The following LRP6 variants were observed in gnomAD, a reference collection of about 807,000 sequenced individuals.
The protein encoded by LRP6 is low-density lipoprotein receptor-related protein 6.
In LRP6, 43 loss-of-function variants were observed where a neutral mutation model predicts 184.1. The observed-to-expected ratio is 0.23, with a 90% CI of 0.18 to 0.30. The LOEUF is 0.30. LRP6 is among the 10% of genes least tolerant of loss of function. The pLI is 1.00. For missense variants in LRP6, 1,571 were observed against 2,005.3 expected (o/e 0.78, Z 4.14); for synonymous variants, 719 against 684.9 (o/e 1.05, Z -0.78).
At chr12:12,146,553 G>A (rs34656615) in intron 15 of LRP6, among the ~76,000 whole-genome samples, 1 of 152,084 alleles carries the variant, frequency 6.6e-6, no homozygotes, top group Non-Finnish European at 1.5e-5. Context: ...ATCTTAAGAC[G>A]AACAAATAAT....
chr12:12,233,895 G>A (rs969463862), intron 2 of LRP6, among the ~76,000 whole-genome samples: 1 of 152,088 alleles, frequency 6.6e-6, no homozygotes, highest in African/African-American at 2.4e-5. Flanking sequence ...CACATAGAGA[G>A]TAGTTGAATA....
chr12:12,266,633 A>C (rs1592001524), intron 1 of LRP6, 48 bp downstream of exon 1: 9 of 1,254,634 alleles, frequency 7.2e-6, no homozygotes, highest in Admixed American at 4.1e-5. Context: ...CAACAAGGCC[A>C]CCTCCCCCCG....
At chr12:12,266,630 G>A (rs775046842) in intron 1 of LRP6, 51 bp downstream of exon 1, 14 of 1,505,250 alleles carry the variant, frequency 9.3e-6, no homozygotes, top group Non-Finnish European at 1.2e-5. Flanking sequence ...ATACAACAAG[G>A]CCACCTCCCC....
intron 17 of LRP6, among the ~76,000 whole-genome samples, chr12:12,134,655 C>T (rs12819916): frequency 0.052 from 7,843 of 152,100 alleles, 283 homozygotes; most frequent in Middle Eastern, 0.17. Context: ...CAGACACATT[C>T]CCAACAATGA....
chr12:12,264,690 A>T (rs1000832404), intron 1 of LRP6, among the ~76,000 whole-genome samples: 2 of 152,232 alleles, frequency 1.3e-5, no homozygotes, highest in African/African-American at 4.8e-5. Flanking sequence ...ACAGAGGATG[A>T]CATTCTCAAA....
intron 4 of LRP6, among the ~76,000 whole-genome samples, chr12:12,186,082 A>C (rs1439916862): frequency 6.6e-6 from 1 of 152,040 alleles, no homozygotes; most frequent in Non-Finnish European, 1.5e-5. Context: ...TCCTGACCTC[A>C]AGTGATCCAC....
intron 2 of LRP6, among the ~76,000 whole-genome samples, chr12:12,220,765 A>T (rs767825893): frequency 2.6e-5 from 4 of 151,672 alleles, no homozygotes; most frequent in Non-Finnish European, 4.4e-5. Flanking sequence ...CACCCGGTTA[A>T]TTTTTTCTAT....
At chr12:12,256,760 T>A (rs1033651783) in intron 1 of LRP6, among the ~76,000 whole-genome samples, 1 of 151,968 alleles carries the variant, frequency 6.6e-6, no homozygotes, top group African/African-American at 2.4e-5. Flanking sequence ...GAGCAGAGAT[T>A]GTGCCACTGC....
chr12:12,121,173 G>A lies in LRP6; in HGVS notation c.4795C>T (p.His1599Tyr), dbSNP rs1311597386. 2 of 1,613,818 alleles carry A rather than the reference G, an allele frequency of 1.2e-6. No individual in the cohort carries two copies. The highest frequency in any genetic ancestry group is 4.5e-5 in the East Asian group (2 of 44,892). The change falls in exon 23 of 23, where the codon CAT (histidine) becomes TAT (tyrosine). Residue 1599 changes from histidine to tyrosine, a missense_variant. Coordinates refer to ENST00000261349, the MANE Select transcript of LRP6 (RefSeq NM_002336.3). ...GAGGGTGGCGGTGGGTAGAGGTGATGAGAATAGCTCCTCTCTGTGTATGGA... is the reference window on the plus strand; with the variant it reads ...GAGGGTGGCGGTGGGTAGAGGTGATAAGAATAGCTCCTCTCTGTGTATGGA... ...PSPYTERSYS[H>Y]HLYPPPPSPC...
At chr12:12,183,554 TTAAA>T (rs202024442) in intron 5 of LRP6, among the ~76,000 whole-genome samples, 1,713 of 152,364 alleles carry the variant, frequency 0.011, 34 homozygotes, top group African/African-American at 0.038. Flanking sequence ...TAAAACATCC[TTAAA>T]TAATTTGTTA....
intron 19 of LRP6, among the ~76,000 whole-genome samples, chr12:12,127,409 T>C (rs1949687214): frequency 6.6e-6 from 1 of 152,162 alleles, no homozygotes; most frequent in Non-Finnish European, 1.5e-5. Context: ...TGAGCACATG[T>C]TAGATTTTAG....
intron 2 of LRP6, among the ~76,000 whole-genome samples, chr12:12,221,940 G>A (rs1864500075): frequency 6.6e-6 from 1 of 152,136 alleles, no homozygotes; most frequent in Admixed American, 6.6e-5. Flanking sequence ...GATTTAATTG[G>A]TGGTTTTTCT....
chr12:12,197,178 CG>C (rs1863784690), intron 3 of LRP6, among the ~76,000 whole-genome samples: 1 of 152,158 alleles, frequency 6.6e-6, no homozygotes, highest in African/African-American at 2.4e-5. Context: ...AGGTTTCTAC[CG>C]ATCTCTGGCC....
chr12:12,136,089 A>G (rs995471535), intron 16 of LRP6, among the ~76,000 whole-genome samples: 1 of 152,076 alleles, frequency 6.6e-6, no homozygotes, highest in African/African-American at 2.4e-5. Flanking sequence ...CGGGAGGCTG[A>G]GGCATAAGAA....
chr12:12,211,796 T>G (rs1398140050), intron 2 of LRP6, among the ~76,000 whole-genome samples: 1 of 152,158 alleles, frequency 6.6e-6, no homozygotes, highest in African/African-American at 2.4e-5. Flanking sequence ...ATAACATTGG[T>G]AAACCACTAC....
At chr12:12,237,658 T>C (rs1864959395) in intron 2 of LRP6, among the ~76,000 whole-genome samples, 1 of 152,274 alleles carries the variant, frequency 6.6e-6, no homozygotes, top group Admixed American at 6.5e-5. Context: ...TCTGTGGTAT[T>C]CTTGCCAAAA....
intron 1 of LRP6, 112 bp from the exon 2 acceptor site, chr12:12,244,767 GAATA>G (rs1226062212): frequency 1.0e-5 from 10 of 965,330 alleles, no homozygotes; most frequent in East Asian, 2.6e-5. Context: ...AATAAGAAAA[GAATA>G]AATAAATCAT....
At chr12:12,126,063 G>A (rs901308431) in intron 20 of LRP6, among the ~76,000 whole-genome samples, 4 of 152,056 alleles carry the variant, frequency 2.6e-5, no homozygotes, top group African/African-American at 9.7e-5. Context: ...GCAAGGCACC[G>A]CCTTCTCCAT....
rs547693160 is a variant in LRP6 at position 12,266,956 on chromosome 12, T to C, written c.-221A>G. ...GGGCTCGCGCGACGCCAGCGTCTGCTTCCATCCCGCCGCCTCCTCCCCCGG... is the reference window on the plus strand; with the variant it reads ...GGGCTCGCGCGACGCCAGCGTCTGCCTCCATCCCGCCGCCTCCTCCCCCGG... On this transcript the variant is annotated 5_prime_UTR_variant, in exon 1 of 23. Coordinates refer to ENST00000261349, the MANE Select transcript of LRP6 (RefSeq NM_002336.3). 9.1e-6 allele frequency: 5 copies of C among 547,960 alleles called. No individual in the cohort carries two copies. In the African/African-American group the frequency reaches 1.0e-4, roughly 11 times the overall value. The allele number at this position is 547,960 out of a possible 1,614,324, so 33.9% of individuals were successfully genotyped here. A position where few individuals can be genotyped will look rare whatever the true frequency, so the allele number is the denominator to read the frequency against.
Sources: gnomAD v4.1 joint callset for allele counts (sites outside exome capture counted in the v4.1 genomes callset) on GRCh38, gnomAD v4.1.1 for gene constraint, MANE v1.5 for transcripts, NCBI Gene and HGNC (gene_info 2026-07-23, HGNC 2026-07-21) for gene names.